Variants in BNC2 observed in about 807,000 individuals in gnomAD.
BNC2 encodes basonuclin zinc finger protein 2, also known as zinc finger protein basonuclin-2.
A neutral mutation model predicts 76.3 loss-of-function variants in BNC2; 20 were observed. The observed-to-expected ratio is 0.26, with a 90% confidence interval of 0.18 to 0.38. BNC2 has a LOEUF of 0.38. Among genes scored for constraint, BNC2 ranks in the 10% least tolerant of loss-of-function variants. BNC2 has a pLI of 1.00. For missense variants in BNC2, 1,382 were observed against 1,399.8 expected, an observed-to-expected ratio of 0.99 and a Z score of 0.20; for synonymous variants, 582 against 514.8, an observed-to-expected ratio of 1.13 and a Z score of -1.77.
chr9:16,519,222 C>T (rs1340285712), intron 5 of BNC2, among the ~76,000 whole-genome samples: 1 of 152,118 alleles, frequency 6.6e-6, no homozygotes, highest in African/African-American at 2.4e-5. Context: ...CAGTGCATTC[C>T]ATTAGCAATA....
chr9:16,534,990 T>C (rs999125443), intron 5 of BNC2, among the ~76,000 whole-genome samples: 15 of 152,218 alleles, frequency 9.9e-5, no homozygotes, highest in African/African-American at 3.4e-4. Context: ...AAAATCTGCC[T>C]ATTTTTTTCT....
intron 3 of BNC2, among the ~76,000 whole-genome samples, chr9:16,682,642 C>T (rs1396675700): frequency 6.6e-6 from 1 of 152,150 alleles, no homozygotes; most frequent in Non-Finnish European, 1.5e-5. Context: ...TGATCCTCCA[C>T]GCATTCACAT....
chr9:16,460,726 G>A (rs1386662970), intron 5 of BNC2, among the ~76,000 whole-genome samples: 1 of 152,042 alleles, frequency 6.6e-6, no homozygotes, highest in Admixed American at 6.6e-5. Flanking sequence ...TATGATCTGC[G>A]TTGACTACCC....
chr9:16,796,280 A>G (rs925243686), intron 1 of BNC2, among the ~76,000 whole-genome samples: 22 of 152,232 alleles, frequency 1.4e-4, no homozygotes, highest in African/African-American at 5.3e-4. Flanking sequence ...ATAATCCCAT[A>G]TAATTAAAAA....
intron 5 of BNC2, among the ~76,000 whole-genome samples, chr9:16,508,938 A>G (rs1405014629): frequency 6.6e-6 from 1 of 151,682 alleles, no homozygotes; most frequent in Non-Finnish European, 1.5e-5. Flanking sequence ...CTCCTGCCTC[A>G]GCCTCCCAAG....
At chr9:16,765,673 A>T (rs756313095) in intron 1 of BNC2, among the ~76,000 whole-genome samples, 1 of 152,202 alleles carries the variant, frequency 6.6e-6, no homozygotes, top group Admixed American at 6.5e-5. Flanking sequence ...CATGGGCTAT[A>T]ATCAGTCATG....
At chr9:16,632,382 C>G (rs1449632502) in intron 3 of BNC2, among the ~76,000 whole-genome samples, 1 of 151,900 alleles carries the variant, frequency 6.6e-6, no homozygotes, top group African/African-American at 2.4e-5. Flanking sequence ...ACTGGCATAG[C>G]CTTGTACATC....
At chr9:16,522,348 C>T (rs151156588) in intron 5 of BNC2, among the ~76,000 whole-genome samples, 54 of 152,290 alleles carry the variant, frequency 3.5e-4, no homozygotes, top group African/African-American at 1.2e-3. Context: ...CTAGCATGCC[C>T]GATTGATATA....
intron 4 of BNC2, among the ~76,000 whole-genome samples, chr9:16,557,104 G>A (rs928123993): frequency 1.3e-5 from 2 of 152,118 alleles, no homozygotes; most frequent in African/African-American, 4.8e-5. Context: ...GGTAGGTCAA[G>A]AACTCATTTA....
intron 6 of BNC2, among the ~76,000 whole-genome samples, chr9:16,422,088 A>G (rs1488650590): frequency 1.3e-5 from 2 of 152,212 alleles, no homozygotes; most frequent in Non-Finnish European, 2.9e-5. Context: ...ACCCAGATGG[A>G]CACATCTTCC....
At chr9:16,800,971 T>G (rs1385326209) in intron 1 of BNC2, among the ~76,000 whole-genome samples, 1 of 152,198 alleles carries the variant, frequency 6.6e-6, no homozygotes, top group Non-Finnish European at 1.5e-5. Context: ...TTGTTGCTAA[T>G]GTTTTTTCAT....
chr9:16,832,779 G>A (rs1818608736), intron 1 of BNC2, among the ~76,000 whole-genome samples: 1 of 151,918 alleles, frequency 6.6e-6, no homozygotes, highest in South Asian at 2.1e-4. Context: ...AGGCCGGAGT[G>A]CAGTGGCGCG....
intron 4 of BNC2, among the ~76,000 whole-genome samples, chr9:16,563,821 T>C (rs543443311): frequency 1.2e-4 from 18 of 152,334 alleles, no homozygotes; most frequent in African/African-American, 4.1e-4. Flanking sequence ...AAAAAATTTA[T>C]AGTCCCAACT....
chr9:16,601,447 G>A (rs183866801), intron 3 of BNC2, among the ~76,000 whole-genome samples: 4 of 152,314 alleles, frequency 2.6e-5, no homozygotes, highest in African/African-American at 9.6e-5. Flanking sequence ...GACTTCAGGG[G>A]TAAAGGGAAA....
chr9:16,787,853 T>C lies in BNC2; in HGVS notation c.4-49368A>G, dbSNP rs1348183172. ...AGCATGAGCCAACGCGCCCTGCCCT[T>C]AGACAATATTAATCAAGCACAGAAT... On this transcript the variant is annotated intron_variant, in intron 1 of 6. Transcript: ENST00000380672. 3.3e-5 allele frequency among the ~76,000 whole-genome samples: 5 copies of C among 152,106 alleles called. No individual in the cohort carries two copies. In the South Asian group the frequency reaches 1.0e-3, roughly 32 times the overall value.
chr9:16,471,169 G>T (rs1481185547), intron 5 of BNC2, among the ~76,000 whole-genome samples: 2 of 152,168 alleles, frequency 1.3e-5, no homozygotes, highest in Admixed American at 1.3e-4. Flanking sequence ...TGCCCTGCTG[G>T]ATTTCAGACT....
chr9:16,480,828 G>A (rs766054930), intron 5 of BNC2, among the ~76,000 whole-genome samples: 33 of 152,110 alleles, frequency 2.2e-4, no homozygotes, highest in Non-Finnish European at 4.3e-4. Context: ...GAGCCTCCCC[G>A]ACAAGTGCCA....
chr9:16,648,520 A>G (rs934221461), intron 3 of BNC2, among the ~76,000 whole-genome samples: 3 of 152,240 alleles, frequency 2.0e-5, no homozygotes, highest in Non-Finnish European at 4.4e-5. Context: ...TTCCTCGAAG[A>G]CTAAGGACCT....
intron 3 of BNC2, among the ~76,000 whole-genome samples, chr9:16,612,841 G>A (rs1437151996): frequency 6.6e-6 from 1 of 152,114 alleles, no homozygotes; most frequent in Non-Finnish European, 1.5e-5. Context: ...AAGAGGCACT[G>A]GACTCAAAGG....
Sources: allele counts gnomAD v4.1 joint callset (sites outside exome capture counted in the v4.1 genomes callset), GRCh38; gene constraint gnomAD v4.1.1; transcripts MANE v1.5; gene names NCBI Gene and HGNC (gene_info 2026-07-23, HGNC 2026-07-21).